PIK3C2A: variants seen among roughly 807,000 people sequenced by gnomAD.
The protein encoded by PIK3C2A is phosphatidylinositol 4-phosphate 3-kinase C2 domain-containing subunit alpha.
Under a neutral mutation model 204.5 loss-of-function variants are expected in PIK3C2A, and 97 were observed. The observed-to-expected ratio is 0.47, with a 90% CI of 0.40 to 0.56. The LOEUF (loss-of-function observed/expected upper bound fraction) is 0.56, where lower values mean the gene tolerates loss of function less well. PIK3C2A is among the 20% of genes least tolerant of loss of function. PIK3C2A has a pLI of 0.00. For missense variants in PIK3C2A, 1,735 were observed against 1,969.2 expected (o/e 0.88, Z 2.25); for synonymous variants, 653 against 664.4 (o/e 0.98, Z 0.26).
intron 29 of PIK3C2A, 34 bp from the exon 30 acceptor site, chr11:17,092,102 A>C: frequency 6.6e-7 from 1 of 1,522,556 alleles, no homozygotes; most frequent in Non-Finnish European, 9.1e-7. Flanking sequence ...CATTAGTTTA[A>C]ATATTATGTA....
Position 17,114,420 on chromosome 11 carries a change from TC to T in PIK3C2A, c.3261del (p.Asn1089IlefsTer11). The T allele has an allele frequency of 6.3e-7, 1 of 1,598,616 alleles. No individual in the cohort carries two copies. On this transcript the variant is annotated frameshift_variant, in exon 20 of 33. Coordinates refer to ENST00000691414, the MANE Select transcript of PIK3C2A (RefSeq NM_002645.4). LOFTEE classifies it high-confidence loss of function. ...TTGAGAGGGAGACGGCATTTATTTT[TC>T]TGAAAAAAGGACTGTACTCGTTCCA... ...RSMERVQSFF[Q>X]KNKCRLPLKP...
At chr11:17,121,010 G>A (rs973954921) in intron 15 of PIK3C2A, among the ~76,000 whole-genome samples, 1 of 152,060 alleles carries the variant, frequency 6.6e-6, no homozygotes, top group Non-Finnish European at 1.5e-5. Context: ...GAGCCACCAC[G>A]TTCAGCCTAC....
At chr11:17,192,900 C>T (rs751827033) in intron 1 of PIK3C2A, among the ~76,000 whole-genome samples, 2 of 152,184 alleles carry the variant, frequency 1.3e-5, no homozygotes, top group Admixed American at 6.5e-5. Flanking sequence ...AATTTAATTG[C>T]CATTGTGATA....
intron 24 of PIK3C2A, 121 bp from the exon 25 acceptor site, chr11:17,101,555 CCA>C (rs1848621917): frequency 2.3e-6 from 1 of 443,160 alleles, no homozygotes; most frequent in African/African-American, 2.0e-5. Context: ...AAACTTAATA[CCA>C]CACACTTTTG....
At chr11:17,160,904 A>C (rs1217232865) in intron 2 of PIK3C2A, among the ~76,000 whole-genome samples, 4 of 152,222 alleles carry the variant, frequency 2.6e-5, no homozygotes, top group Admixed American at 6.5e-5. Context: ...AACAAAAAAA[A>C]CAGTTAAGTT....
At chr11:17,161,259 A>G (rs1265794142) in intron 2 of PIK3C2A, among the ~76,000 whole-genome samples, 1 of 152,234 alleles carries the variant, frequency 6.6e-6, no homozygotes, top group Non-Finnish European at 1.5e-5. Flanking sequence ...TTTCAGAAGA[A>G]AGTTGGTTAC....
At chr11:17,125,907 C>T (rs1035813838) in intron 13 of PIK3C2A, among the ~76,000 whole-genome samples, 13 of 152,032 alleles carry the variant, frequency 8.6e-5, no homozygotes, top group East Asian at 5.8e-4. Context: ...GTGGATCACT[C>T]GAGGCCAGGA....
intron 5 of PIK3C2A, 59 bp downstream of exon 5, chr11:17,148,608 G>A: frequency 6.6e-7 from 1 of 1,515,812 alleles, no homozygotes; most frequent in Non-Finnish European, 9.1e-7. Flanking sequence ...AATTTTTCTA[G>A]ATTAAACCAT....
chr11:17,099,994 G>A, intron 25 of PIK3C2A, 25 bp from the exon 26 acceptor site: 1 of 1,146,140 alleles, frequency 8.7e-7, no homozygotes, highest in Non-Finnish European at 1.3e-6. Context: ...AAAAAGTTCT[G>A]TGAGTTAAAT....
chr11:17,100,023 C>T, intron 25 of PIK3C2A, 54 bp from the exon 26 acceptor site: 2 of 838,660 alleles, frequency 2.4e-6, no homozygotes, highest in Non-Finnish European at 4.1e-6. Context: ...ACATTTGTTC[C>T]TCACTCCTTC....
chr11:17,194,049 G>A (rs1053158082), intron 1 of PIK3C2A: 4 of 389,054 alleles, frequency 1.0e-5, no homozygotes, highest in African/African-American at 6.3e-5. Flanking sequence ...ATCAGTCCAC[G>A]TGGTGAGGCT....
intron 8 of PIK3C2A, among the ~76,000 whole-genome samples, chr11:17,142,647 G>A (rs894170728): frequency 6.6e-6 from 1 of 150,422 alleles, no homozygotes; most frequent in Admixed American, 6.7e-5. Context: ...AAATCTGCAG[G>A]GGGTTGCAGC....
chr11:17,118,769 T>C, intron 17 of PIK3C2A, 30 bp from the exon 18 acceptor site: 6 of 1,057,880 alleles, frequency 5.7e-6, no homozygotes, highest in Non-Finnish European at 8.8e-6. Flanking sequence ...GAATTATTAG[T>C]GGTCTAACCC....
chr11:17,094,013 T>C (rs527584814), intron 28 of PIK3C2A, among the ~76,000 whole-genome samples: 1 of 152,326 alleles, frequency 6.6e-6, no homozygotes, highest in East Asian at 1.9e-4. Flanking sequence ...ACAGCAAAGT[T>C]AAAGCTTCAA....
Position 17,119,285 on chromosome 11 carries a change from C to A in PIK3C2A, c.2875G>T (p.Ala959Ser). 1 of 1,605,220 alleles carries A rather than the reference C, an allele frequency of 6.2e-7. No homozygotes were observed. Among genetic ancestry groups the A allele is most frequent in the Non-Finnish European group, 8.5e-7 (1 of 1,172,674 alleles). The part of the protein sequence containing the change: ...KFADQEVRSL[A>S]VTWIEAISDD... ...CTAATGGCCTCAATCCAGGTCACAG[C>A]TAGGGATCTTACTTCCTGATCAGCA... The change falls in exon 17 of 33, where the codon GCT becomes TCT. Residue 959 changes from alanine to serine, a missense_variant. By Grantham distance (99) the Ala-to-Ser change is moderately conservative. This residue lies in a region of PIK3C2A where 567 missense variants were observed against 576.0 expected (regional missense o/e 0.98). Coordinates refer to ENST00000691414, the MANE Select transcript of PIK3C2A (RefSeq NM_002645.4).
chr11:17,166,947 T>C (rs759706201), intron 2 of PIK3C2A, among the ~76,000 whole-genome samples: 16 of 152,062 alleles, frequency 1.1e-4, no homozygotes, highest in Non-Finnish European at 2.4e-4. Flanking sequence ...ATGGGAAAAT[T>C]AGGGGGACCA....
Position 17,114,480 on chromosome 11 carries a change from G to A in PIK3C2A, c.3217-15C>T, listed in dbSNP as rs1389075293. 3 of 1,107,114 alleles carry A rather than the reference G, an allele frequency of 2.7e-6. No homozygotes were observed. The African/African-American group carries it at 4.6e-5, about 17-fold the overall frequency. 68.6% of individuals were successfully genotyped at this position (1,107,114 alleles called of 1,614,324 possible). A position where few individuals can be genotyped will look rare whatever the true frequency, so the allele number is the denominator to read the frequency against. On this transcript the variant is annotated splice_polypyrimidine_tract_variant and intron_variant, in intron 19 of 32. Transcript: ENST00000691414. The stretch of plus-strand genomic sequence containing the variant: ...TGGAGAACAACCTATAGAAAGAGAT[G>A]TGATACTGTAAGTACATAATGAAAA...
chr11:17,107,973 G>C (rs1467878643), intron 22 of PIK3C2A, among the ~76,000 whole-genome samples: 1 of 152,208 alleles, frequency 6.6e-6, no homozygotes, highest in African/African-American at 2.4e-5. Context: ...CCGGATTCAA[G>C]TGATTCTAGT....
chr11:17,159,801 A>G (rs548315129), intron 2 of PIK3C2A, among the ~76,000 whole-genome samples: 263 of 152,334 alleles, frequency 1.7e-3, no homozygotes, highest in Non-Finnish European at 2.9e-3. Context: ...GGCAAGCTGG[A>G]GACAAAGGAG....
Sources: gnomAD v4.1 joint callset for allele counts (sites outside exome capture counted in the v4.1 genomes callset) on GRCh38, gnomAD v4.1.1 for gene constraint, gnomAD v4.1.1 regional missense constraint, MANE v1.5 for transcripts, NCBI Gene and HGNC (gene_info 2026-07-23, HGNC 2026-07-21) for gene names.